Variants in IQGAP2 observed in about 807,000 individuals in gnomAD.
The protein encoded by IQGAP2 is IQ motif containing GTPase activating protein 2, also known as ras GTPase-activating-like protein IQGAP2.
Under a neutral mutation model 201.3 loss-of-function variants are expected in IQGAP2, and 173 were observed. The ratio of observed to expected loss-of-function variants is 0.86; its 90% confidence interval spans 0.76 to 0.98. IQGAP2 has a LOEUF of 0.98. Among genes scored for constraint, IQGAP2 ranks in the 50% least tolerant of loss-of-function variants. IQGAP2 has a pLI of 0.00. For synonymous variants in IQGAP2, 675 were observed against 673.9 expected, an observed-to-expected ratio of 1.00 and a Z score of -0.03; for missense variants, 1,687 against 1,864.8, an observed-to-expected ratio of 0.90 and a Z score of 1.76.
At chr5:76,647,725 A>G (rs1752169035) in intron 17 of IQGAP2, among the ~76,000 whole-genome samples, 1 of 152,056 alleles carries the variant, frequency 6.6e-6, no homozygotes, top group African/African-American at 2.4e-5. Flanking sequence ...TACAGGCTCT[A>G]GTGAAAGCCT....
At chr5:76,436,491 A>G (rs868839513) in intron 1 of IQGAP2, among the ~76,000 whole-genome samples, 2 of 16,524 alleles carry the variant, frequency 1.2e-4, no homozygotes, top group Non-Finnish European at 2.4e-4. Context: ...ATATATATAT[A>G]TATATATATA....
intron 2 of IQGAP2, among the ~76,000 whole-genome samples, chr5:76,496,176 T>C (rs967258474): frequency 2.0e-5 from 3 of 152,210 alleles, no homozygotes; most frequent in South Asian, 2.1e-4. Flanking sequence ...TGCTTTCTGT[T>C]ACCTAAACTT....
intron 1 of IQGAP2, among the ~76,000 whole-genome samples, chr5:76,458,553 C>T (rs1317131496): frequency 6.6e-6 from 1 of 152,182 alleles, no homozygotes; most frequent in Non-Finnish European, 1.5e-5. Flanking sequence ...GGTGTTCTCT[C>T]CCATTCAAGG....
At chr5:76,603,556 C>T (rs1747581008) in intron 11 of IQGAP2, among the ~76,000 whole-genome samples, 1 of 152,192 alleles carries the variant, frequency 6.6e-6, no homozygotes, top group Non-Finnish European at 1.5e-5. Context: ...CCACTTCTTG[C>T]TTTGAACCCC....
intron 17 of IQGAP2, among the ~76,000 whole-genome samples, chr5:76,647,952 A>G (rs1752199771): frequency 6.6e-6 from 1 of 152,106 alleles, no homozygotes; most frequent in Non-Finnish European, 1.5e-5. Flanking sequence ...AGACTTATAG[A>G]ATCTGGATCT....
intron 35 of IQGAP2, 109 bp from the exon 36 acceptor site, chr5:76,707,091 G>A: frequency 1.5e-6 from 1 of 662,974 alleles, no homozygotes; most frequent in Non-Finnish European, 2.7e-6. Context: ...ACCCCACCCA[G>A]GTGATTAGGT....
At chr5:76,655,392 C>T (rs975902575) in intron 20 of IQGAP2, among the ~76,000 whole-genome samples, 11 of 152,112 alleles carry the variant, frequency 7.2e-5, no homozygotes, top group African/African-American at 2.7e-4. Flanking sequence ...AAAATGACAA[C>T]TGCAAATATC....
chr5:76,634,336 A>G (rs1267805384), intron 15 of IQGAP2, among the ~76,000 whole-genome samples: 4 of 151,546 alleles, frequency 2.6e-5, no homozygotes, highest in African/African-American at 7.3e-5. Context: ...ATCTTGGCTC[A>G]CTGCAACCTC....
At position 76,411,725 on chromosome 5, in the gene IQGAP2, A is replaced by C. The variant is rs141970140; in HGVS notation, c.46+8134A>C. Among the ~76,000 whole-genome samples, 1,105 of 152,316 alleles carry C rather than the reference A, an allele frequency of 7.3e-3. 13 individuals are homozygous for C. Among genetic ancestry groups the C allele is most frequent in the Non-Finnish European group, 0.011 (735 of 68,026 alleles). On this transcript the variant is annotated intron_variant, in intron 1 of 35. Transcript: ENST00000274364. The stretch of plus-strand genomic sequence containing the variant: ...AGCCTCCAGAACTGTGCGGAAACAA[A>C]TTTCTGTTCATCATAAATGACCCAG...
chr5:76,623,056 G>A (rs939471828), intron 13 of IQGAP2: 1 of 925,930 alleles, frequency 1.1e-6, no homozygotes, highest in Non-Finnish European at 1.7e-6. Context: ...AGATCAAACT[G>A]CCTTTGGGGT....
At chr5:76,552,312 C>T (rs1743614964) in intron 2 of IQGAP2, among the ~76,000 whole-genome samples, 1 of 152,212 alleles carries the variant, frequency 6.6e-6, no homozygotes, top group African/African-American at 2.4e-5. Context: ...CCCACTGTCA[C>T]TCTTTAGGGA....
At chr5:76,443,049 G>A (rs1485447470) in intron 1 of IQGAP2, among the ~76,000 whole-genome samples, 1 of 152,028 alleles carries the variant, frequency 6.6e-6, no homozygotes, top group Non-Finnish European at 1.5e-5. Context: ...AAGACCACAC[G>A]TAATCTGCTC....
In IQGAP2 at chr5:76,404,641, G is replaced by A. The variant is rs141441801; in HGVS notation, c.46+1050G>A. The A allele has an allele frequency of 9.1e-4, 208 of 228,940 alleles. 1 individual carries two copies. The highest frequency in any genetic ancestry group is 4.6e-3 in the African/African-American group (198 of 42,808). The allele number at this position is 228,940 out of a possible 1,614,324, so 14.2% of individuals were successfully genotyped here. A position where few individuals can be genotyped will look rare whatever the true frequency, so the allele number is the denominator to read the frequency against. The stretch of plus-strand genomic sequence containing the variant: ...CACTGACTTGCTTAACTGAAAAAGG[G>A]CTCCTCAACTTGTGTAGGTTCTTTC... On this transcript the variant is annotated intron_variant, in intron 1 of 35. Coordinates refer to ENST00000274364, the MANE Select transcript of IQGAP2 (RefSeq NM_006633.5).
intron 13 of IQGAP2, chr5:76,618,063 C>T: frequency 1.2e-6 from 2 of 1,614,064 alleles, no homozygotes; most frequent in Non-Finnish European, 1.7e-6. Context: ...CCACACCAGT[C>T]CACATGTTAC....
At chr5:76,578,567 T>C (rs1167101302) in intron 5 of IQGAP2, among the ~76,000 whole-genome samples, 20 of 152,166 alleles carry the variant, frequency 1.3e-4, no homozygotes, top group Admixed American at 1.3e-3. Flanking sequence ...CTGCCTCAGC[T>C]TCCCAGTGTG....
chr5:76,674,619 A>G lies in IQGAP2; in HGVS notation c.3437A>G (p.Gln1146Arg). Reference protein sequence around the residue: ...RNLGSVAKVLQHAASNKLFEG... With the variant: ...RNLGSVAKVLRHAASNKLFEG... ...TTAGGATCAGTGGCCAAGGTTCTTCAGCACGCAGCCTCCAACAAGCTGTTT... is the reference window on the plus strand; with the variant it reads ...TTAGGATCAGTGGCCAAGGTTCTTCGGCACGCAGCCTCCAACAAGCTGTTT... Residue 1146 changes from glutamine to arginine, a missense_variant, in exon 27 of 36, where the codon CAG becomes CGG. Physicochemically the swap from Gln to Arg is conservative, Grantham distance 43 (BLOSUM62 1). Transcript: ENST00000274364. The G allele has an allele frequency of 6.2e-7, 1 of 1,614,178 alleles. No individual in the cohort carries two copies.
intron 2 of IQGAP2, among the ~76,000 whole-genome samples, chr5:76,470,605 C>T (rs1350940282): frequency 6.6e-6 from 1 of 152,022 alleles, no homozygotes; most frequent in Non-Finnish European, 1.5e-5. Flanking sequence ...TTTTAAGGGT[C>T]TTGCTGTGTT....
chr5:76,706,859 A>T (rs765415471), intron 35 of IQGAP2, among the ~76,000 whole-genome samples: 1 of 152,246 alleles, frequency 6.6e-6, no homozygotes, highest in Non-Finnish European at 1.5e-5. Context: ...GCCCCACCAG[A>T]GAGCTACATA....
At chr5:76,685,704 A>AGT (rs35953282) in intron 30 of IQGAP2, among the ~76,000 whole-genome samples, 60,021 of 151,834 alleles carry the variant, frequency 0.4, 12,250 homozygotes, top group South Asian at 0.54. Flanking sequence ...CGTCCCCCCC[A>AGT]GTGTGTTGGA....
Sources: gnomAD v4.1 joint callset for allele counts (sites outside exome capture counted in the v4.1 genomes callset) on GRCh38, gnomAD v4.1.1 for gene constraint, MANE v1.5 for transcripts, NCBI Gene and HGNC (gene_info 2026-07-23, HGNC 2026-07-21) for gene names.